Variants in SLC7A7 observed in about 807,000 individuals in gnomAD.
The protein encoded by SLC7A7 is Y+L amino acid transporter 1.
A neutral mutation model predicts 47.9 loss-of-function variants in SLC7A7; 39 were observed. The observed-to-expected ratio is 0.81, with a 90% CI of 0.63 to 1.06. SLC7A7 has a LOEUF of 1.06. Ranked by LOEUF, SLC7A7 falls within the 50% of genes least tolerant of loss-of-function variation. SLC7A7 has a pLI of 0.00. For missense variants in SLC7A7, 588 were observed against 632.0 expected (o/e 0.93, Z 0.75); for synonymous variants, 234 against 242.8 (o/e 0.96, Z 0.34).
chr14:22,774,377 G>C lies in SLC7A7; in HGVS notation c.1222C>G (p.Pro408Ala), dbSNP rs1217478854. Reference protein sequence around the residue: ...VGQLYLRWKEPDRPRPLKLSV... With the variant: ...VGQLYLRWKEADRPRPLKLSV... ...ACCTTGAGGGGACGAGGTCGATCAG[G>C]CTCCTTCCAGCGCAGATAAAGCTGA... Residue 408 changes from proline to alanine, a missense_variant, in exon 8 of 10, where the codon CCT (proline) becomes GCT (alanine). Coordinates refer to ENST00000674313, the MANE Select transcript of SLC7A7 (RefSeq NM_003982.4). 1.9e-6 allele frequency: 3 copies of C among 1,614,132 alleles called. No individual in the cohort carries two copies. The highest frequency in any genetic ancestry group is 1.1e-5 in the South Asian group (1 of 91,084).
chr14:22,800,666 G>A (rs1264656573), intron 2 of SLC7A7, among the ~76,000 whole-genome samples: 2 of 135,510 alleles, frequency 1.5e-5, no homozygotes, highest in African/African-American at 2.7e-5. Flanking sequence ...CGGGTGCGGT[G>A]GCTCACACCC....
At chr14:22,778,000 G>C (rs778957170) in intron 4 of SLC7A7, among the ~76,000 whole-genome samples, 1 of 152,116 alleles carries the variant, frequency 6.6e-6, no homozygotes, top group Non-Finnish European at 1.5e-5. Flanking sequence ...ACTTGAACCT[G>C]GGAGGCAGAG....
Position 22,788,126 on chromosome 14 carries a change from C to G in SLC7A7, c.500-8075G>C, listed in dbSNP as rs146688861. ...AGATCAACAGAGCTGTATAGTCTAT[C>G]ACTGTAGACCTTTCTGTATTTGTCA... On this transcript the variant is annotated intron_variant, in intron 2 of 9. Coordinates refer to ENST00000674313, the MANE Select transcript of SLC7A7 (RefSeq NM_003982.4). Among the ~76,000 whole-genome samples, 474 of 152,192 alleles carry G rather than the reference C, an allele frequency of 3.1e-3. 7 individuals carry two copies. The highest frequency in any genetic ancestry group is 0.011 in the African/African-American group (449 of 41,540).
At chr14:22,806,583 C>T (rs1449578727) in intron 2 of SLC7A7, among the ~76,000 whole-genome samples, 1 of 152,014 alleles carries the variant, frequency 6.6e-6, no homozygotes, top group African/African-American at 2.4e-5. Context: ...GCCCCATCAC[C>T]CACACCTGTC....
At chr14:22,775,989 C>T in intron 5 of SLC7A7, 53 bp from the exon 6 acceptor site, 6 of 1,467,804 alleles carry the variant, frequency 4.1e-6, no homozygotes, top group Non-Finnish European at 3.8e-6. Context: ...GGATGAAAGA[C>T]ATGGATGGGC....
intron 2 of SLC7A7, among the ~76,000 whole-genome samples, chr14:22,794,166 C>T (rs551461736): frequency 2.0e-5 from 3 of 152,338 alleles, no homozygotes; most frequent in East Asian, 3.9e-4. Flanking sequence ...TCCGGTCTCC[C>T]GCACAGCCGG....
Position 22,775,856 on chromosome 14 carries a change from A to G in SLC7A7, c.975T>C (p.Asn325=), listed in dbSNP as rs2038593013. Residue 325 remains asparagine, a synonymous_variant, in exon 6 of 10, where the codon AAT becomes AAC. Transcript: ENST00000674313. ...ACCTAGAAGCAGCCACAATGGAGGC[A>G]TTGAGGCCACCAAAACAGGATAATG... ...SVALSCFGGL[N]ASIVAASRLF... The G allele has an allele frequency of 6.2e-7, 1 of 1,614,118 alleles. No homozygotes were observed. Among genetic ancestry groups the G allele is most frequent in the Non-Finnish European group, 8.5e-7 (1 of 1,179,932 alleles).
chr14:22,774,588 TC>T, intron 7 of SLC7A7, 85 bp from the exon 8 acceptor site: 1 of 1,568,682 alleles, frequency 6.4e-7, no homozygotes, highest in Non-Finnish European at 8.8e-7. Flanking sequence ...CAGAAATCCA[TC>T]CCCTGTCAAT....
intron 1 of SLC7A7, chr14:22,814,746 A>G (rs2138668118): frequency 6.4e-6 from 1 of 155,660 alleles, no homozygotes; most frequent in Non-Finnish European, 1.4e-5. Flanking sequence ...TCTTTTCCCC[A>G]AGGACTCTAC....
At chr14:22,808,122 C>A (rs1036195917) in intron 2 of SLC7A7, among the ~76,000 whole-genome samples, 3 of 151,812 alleles carry the variant, frequency 2.0e-5, no homozygotes, top group African/African-American at 7.3e-5. Context: ...CGAGATCACA[C>A]CACTGCACTC....
upstream of SLC7A7, among the ~76,000 whole-genome samples, chr14:22,818,968 T>C (rs2039442473): frequency 6.6e-6 from 1 of 152,108 alleles, no homozygotes; most frequent in Non-Finnish European, 1.5e-5. Context: ...GATGCATTCA[T>C]CTCTGAACAC....
Position 22,801,845 on chromosome 14 carries a change from C to T in SLC7A7, c.499+11055G>A, listed in dbSNP as rs534875233. Among the ~76,000 whole-genome samples the T allele has an allele frequency of 4.0e-3, 610 of 152,306 alleles. 5 individuals are homozygous for T. The highest frequency in any genetic ancestry group is 0.014 in the African/African-American group (574 of 41,580). ...TGACCCCGGCATGCACCCATGCATG[C>T]GGTCACACACACCCACGCACACACA... On this transcript the variant is annotated intron_variant, in intron 2 of 9. Transcript: ENST00000674313.
rs567893394 is a variant in SLC7A7 at position 22,778,906 on chromosome 14, C to G, written c.657G>C (p.Glu219Asp). 1.1e-5 allele frequency: 17 copies of G among 1,613,988 alleles called. No homozygotes were observed. The highest frequency in any genetic ancestry group is 1.4e-5 in the Non-Finnish European group (17 of 1,180,044). Residue 219 changes from glutamate to aspartate, a missense_variant, in exon 4 of 10, where the codon GAG (glutamate) becomes GAC (aspartate). By Grantham distance (45) the Glu-to-Asp change is conservative. Transcript: ENST00000674313. ...GASTHFENSF[E>D]GSSFAVGDIA... is the part of the protein sequence containing the mutation. ...TGTCACCCACTGCAAATGATGAACCCTCAAAGGAATTCTCAAAATGAGTAG... is the reference window on the plus strand; with the variant it reads ...TGTCACCCACTGCAAATGATGAACCGTCAAAGGAATTCTCAAAATGAGTAG...
chr14:22,818,024 CA>C (rs775030790), upstream of SLC7A7, among the ~76,000 whole-genome samples: 390 of 139,258 alleles, frequency 2.8e-3, 1 homozygote, highest in Admixed American at 6.9e-3. Flanking sequence ...CTAAAGCAAA[CA>C]AAAAAAAAAA....
intron 6 of SLC7A7, 73 bp downstream of exon 6, chr14:22,775,760 G>C: frequency 8.8e-7 from 1 of 1,134,526 alleles, no homozygotes; most frequent in Non-Finnish European, 1.3e-6. Context: ...GTAATCAAAG[G>C]CTGGGTCCTG....
Position 22,812,919 on chromosome 14 carries a change from C to T in SLC7A7, c.480G>A (p.Leu160=), listed in dbSNP as rs143867688. Residue 160 remains leucine, a synonymous_variant, in exon 2 of 10, where the codon CTG becomes CTA. Coordinates refer to ENST00000674313, the MANE Select transcript of SLC7A7 (RefSeq NM_003982.4). ...ACTTACAAATGCAGGCAGCAGCCAG[C>T]AGGCGGCTGGCAGCATAAGGGGCGA... ...SCFAPYAASR[L]LAAACICLLT... is the part of the protein sequence containing the mutation. 8 of 1,613,446 alleles carry T rather than the reference C, an allele frequency of 5.0e-6. No individual in the cohort carries two copies. In the African/African-American group the frequency reaches 6.7e-5, roughly 13 times the overall value.
In SLC7A7 at chr14:22,781,042, C is replaced by T. The variant is rs114817317; in HGVS notation, c.500-991G>A. On this transcript the variant is annotated intron_variant, in intron 2 of 9. Transcript: ENST00000674313. ...TTGGAAAAAAAAATACAGATCTTCC[C>T]ACTGGTAGCATAGCGAATCGCTTCA... 7.1e-3 allele frequency among the ~76,000 whole-genome samples: 1,080 copies of T among 152,232 alleles called. 10 individuals carry two copies. The highest frequency in any genetic ancestry group is 0.023 in the African/African-American group (960 of 41,538).
rs146569770 is a variant in SLC7A7 at position 22,774,301 on chromosome 14, G to A, written c.1245+53C>T. The A allele has an allele frequency of 6.9e-4, 1,110 of 1,613,490 alleles. 8 individuals are homozygous for A. In the African/African-American group the frequency reaches 0.014, roughly 20 times the overall value. ...AAGTGCTTTGTCATAGTCCCTTGTAGCAACAACTCCAGCTGTTTCAGGTGG... is the reference window on the plus strand; with the variant it reads ...AAGTGCTTTGTCATAGTCCCTTGTAACAACAACTCCAGCTGTTTCAGGTGG... On this transcript the variant is annotated intron_variant, in intron 8 of 9. Coordinates refer to ENST00000674313, the MANE Select transcript of SLC7A7 (RefSeq NM_003982.4).
At chr14:22,793,158 C>T (rs1315727651) in intron 2 of SLC7A7, among the ~76,000 whole-genome samples, 1 of 151,860 alleles carries the variant, frequency 6.6e-6, no homozygotes, top group African/African-American at 2.4e-5. Flanking sequence ...ACCTCGTAAT[C>T]CGCCCGCCTC....
Sources: gnomAD v4.1 joint callset for allele counts (sites outside exome capture counted in the v4.1 genomes callset) on GRCh38, gnomAD v4.1.1 for gene constraint, MANE v1.5 for transcripts, NCBI Gene and HGNC (gene_info 2026-07-23, HGNC 2026-07-21) for gene names.